The following TTI1 variants were observed in gnomAD, a reference collection of about 807,000 sequenced individuals.
TTI1 encodes the protein TELO2 interacting protein 1, also known as TELO2-interacting protein 1 homolog.
TTI1 carries 52 observed loss-of-function variants against 85.4 expected under a neutral mutation model. The ratio of observed to expected loss-of-function variants is 0.61; its 90% CI spans 0.49 to 0.77. The LOEUF is 0.77. Among genes scored for constraint, TTI1 ranks in the 30% least tolerant of loss-of-function variants. The pLI, the probability that TTI1 is intolerant of heterozygous loss-of-function variation, is 0.00. For missense variants in TTI1, 1,173 were observed against 1,296.0 expected (o/e 0.91, Z 1.46); for synonymous variants, 512 against 503.9 (o/e 1.02, Z -0.22).
chr20:38,024,209 G>C (rs901316835), intron 1 of TTI1, among the ~76,000 whole-genome samples: 13 of 152,064 alleles, frequency 8.5e-5, no homozygotes, highest in African/African-American at 2.9e-4. Context: ...AACTGGGTAA[G>C]TTCTTCAGGT....
chr20:38,012,686 G>T lies in TTI1; in HGVS notation c.1131C>A (p.Ser377Arg). 1 of 1,614,216 alleles carries T rather than the reference G, an allele frequency of 6.2e-7. No homozygotes were observed. The highest frequency in any genetic ancestry group is 8.5e-7 in the Non-Finnish European group (1 of 1,180,040). Residue 377 changes from serine (S) to arginine (R), a missense_variant, in exon 2 of 8, where the codon AGC (serine) becomes AGA (arginine). Physicochemically the swap from Ser to Arg is moderately radical, Grantham distance 110. Transcript: ENST00000373447. ...GAAGAGATGTGGCAAGGGAATGCAG[G>T]CTTTCTGACAAGATGTCAGCGAGGG... ...NKALADILSE[S>R]LHSLATSLPR...
chr20:38,032,081 G>T (rs570884639), intron 1 of TTI1, among the ~76,000 whole-genome samples: 3 of 152,274 alleles, frequency 2.0e-5, no homozygotes, highest in African/African-American at 7.2e-5. Flanking sequence ...TGATAAATCA[G>T]GAACTGGGGC....
intron 7 of TTI1, among the ~76,000 whole-genome samples, chr20:37,989,594 C>T (rs2122485648): frequency 1.3e-5 from 2 of 152,338 alleles, no homozygotes; most frequent in Middle Eastern, 3.4e-3. Flanking sequence ...AAGCCTAGAT[C>T]CCACGACAGT....
At chr20:37,997,028 C>T (rs913259939) in intron 5 of TTI1, 75 bp from the exon 6 acceptor site, 15 of 1,489,938 alleles carry the variant, frequency 1.0e-5, no homozygotes, top group Admixed American at 5.6e-5. Context: ...CTTGGTAATT[C>T]GATTTCATCT....
intron 2 of TTI1, among the ~76,000 whole-genome samples, chr20:38,010,631 T>C (rs1490171002): frequency 1.4e-5 from 2 of 139,132 alleles, no homozygotes; most frequent in Non-Finnish European, 3.1e-5. Flanking sequence ...CCACCACGTC[T>C]GGCTAATTTT....
At chr20:38,001,516 C>T (rs2073424909) in intron 4 of TTI1, among the ~76,000 whole-genome samples, 1 of 152,098 alleles carries the variant, frequency 6.6e-6, no homozygotes, top group Admixed American at 6.5e-5. Flanking sequence ...ACATTAAAGC[C>T]GTGCAGGTAA....
chr20:37,996,501 A>G lies in TTI1; in HGVS notation c.2999-39T>C, dbSNP rs1282636048. The stretch of plus-strand genomic sequence containing the variant: ...AAACAAAACAAGCATCAGCCCTTAC[A>G]CTTCATTTGGGACAAGCAGTGACCA... On this transcript the variant is annotated intron_variant, in intron 6 of 7. Transcript: ENST00000373447. The G allele has an allele frequency of 5.6e-6, 9 of 1,606,792 alleles. No individual in the cohort carries two copies. In the East Asian group the frequency reaches 2.0e-4, roughly 36 times the overall value.
In TTI1 at chr20:38,012,099, AC is replaced by A. The variant is rs1380159930; in HGVS notation, c.1717del (p.Val573LeufsTer13). On this transcript the variant is annotated frameshift_variant, in exon 2 of 8. Transcript: ENST00000373447. LOFTEE classifies it high-confidence loss of function. ...EYTSQENWYL[V>X]TCLETEEMGE... ...CATTTCCTCAGTTTCAAGACAGGTA[AC>A]CAAATACCAATTTTCTTGACTTGTG... 1 of 1,614,194 alleles carries A rather than the reference AC, an allele frequency of 6.2e-7. No homozygotes were observed. Among genetic ancestry groups the A allele is most frequent in the Non-Finnish European group, 8.5e-7 (1 of 1,180,038 alleles).
intron 2 of TTI1, among the ~76,000 whole-genome samples, chr20:38,008,493 C>G (rs540815506): frequency 6.6e-6 from 1 of 152,310 alleles, no homozygotes; most frequent in East Asian, 1.9e-4. Flanking sequence ...GACATAAATA[C>G]TTATTTTCAA....
chr20:37,996,414 C>T lies in TTI1; in HGVS notation c.3047G>A (p.Ser1016Asn). Residue 1016 changes from serine to asparagine, a missense_variant, in exon 7 of 8, where the codon AGT (serine) becomes AAT (asparagine). Ser to Asn is a conservative substitution (Grantham distance 46). Transcript: ENST00000373447. ...KVADACLIYL[S>N]VKQPVKLQEA... ...TTGTAATTTCACGGGCTGTTTGACA[C>T]TGAGGTAAATCAAGCAGGCATCAGC... 1 of 1,614,102 alleles carries T rather than the reference C, an allele frequency of 6.2e-7. No homozygotes were observed. Among genetic ancestry groups the T allele is most frequent in the Non-Finnish European group, 8.5e-7 (1 of 1,180,032 alleles).
chr20:38,030,005 A>C (rs1018495478), intron 1 of TTI1, among the ~76,000 whole-genome samples: 1 of 152,162 alleles, frequency 6.6e-6, no homozygotes, highest in Non-Finnish European at 1.5e-5. Flanking sequence ...TAAATTACCC[A>C]GTTTCAGGTA....
intron 1 of TTI1, among the ~76,000 whole-genome samples, chr20:38,015,096 C>T (rs1357553078): frequency 6.6e-6 from 1 of 152,092 alleles, no homozygotes; most frequent in African/African-American, 2.4e-5. Context: ...TTCTGTCTAC[C>T]CCCAATTCCA....
At chr20:38,007,648 C>T (rs2073520787) in intron 2 of TTI1, among the ~76,000 whole-genome samples, 1 of 152,326 alleles carries the variant, frequency 6.6e-6, no homozygotes, top group South Asian at 2.1e-4. Context: ...GTCCAGTGCC[C>T]TCCTTTTGCA....
chr20:38,010,954 G>C (rs528370800), intron 2 of TTI1, among the ~76,000 whole-genome samples: 23 of 152,292 alleles, frequency 1.5e-4, no homozygotes, highest in African/African-American at 5.3e-4. Context: ...GTAAAATATA[G>C]AATTCAGTTC....
At chr20:38,006,461 C>A in intron 2 of TTI1, 64 bp from the exon 3 acceptor site, 1 of 1,570,880 alleles carries the variant, frequency 6.4e-7, no homozygotes, top group Non-Finnish European at 8.7e-7. Flanking sequence ...ACTTTATACA[C>A]AGAATAAGCT....
In TTI1 at chr20:37,983,445, G is replaced by A; in HGVS notation, c.*11C>T. ...GGAGGGATCGGTGGCCTCTGTGGTG[G>A]GGGAGCAGGGTCACTGCAGCTCCTT... On this transcript the variant is annotated 3_prime_UTR_variant, in exon 8 of 8. Coordinates refer to ENST00000373447, the MANE Select transcript of TTI1 (RefSeq NM_001303457.2). The A allele has an allele frequency of 6.2e-7, 1 of 1,607,946 alleles. No individual in the cohort carries two copies. The highest frequency in any genetic ancestry group is 8.5e-7 in the Non-Finnish European group (1 of 1,178,816).
intron 5 of TTI1, among the ~76,000 whole-genome samples, chr20:37,997,587 T>C (rs1231761866): frequency 1.3e-5 from 2 of 152,212 alleles, no homozygotes; most frequent in Non-Finnish European, 2.9e-5. Flanking sequence ...GCAGAACATA[T>C]TGAAATGTTT....
At chr20:38,005,479 T>C (rs1382070144) in intron 3 of TTI1, among the ~76,000 whole-genome samples, 2 of 151,846 alleles carry the variant, frequency 1.3e-5, no homozygotes, top group African/African-American at 2.4e-5. Context: ...AGCATATAAA[T>C]AGACAATGGG....
In TTI1 at chr20:37,996,947, G is replaced by GTTT; in HGVS notation, c.2799_2800insAAA (p.Leu933_Arg934insLys). 1 of 1,613,314 alleles carries GTTT rather than the reference G, an allele frequency of 6.2e-7. No homozygotes were observed. Among genetic ancestry groups the GTTT allele is most frequent in the Non-Finnish European group, 8.5e-7 (1 of 1,179,676 alleles). ...TCACCACACTTGCTTCCCAGGGTAC[G>GTTT]TAAAACCTGCAGAAACAGCCTCCAA... On this transcript the variant is annotated inframe_insertion, in exon 6 of 8. Coordinates refer to ENST00000373447, the MANE Select transcript of TTI1 (RefSeq NM_001303457.2).
Sources: allele counts gnomAD v4.1 joint callset (sites outside exome capture counted in the v4.1 genomes callset), GRCh38; gene constraint gnomAD v4.1.1; transcripts MANE v1.5; gene names NCBI Gene and HGNC (gene_info 2026-07-23, HGNC 2026-07-21).